The following SLC5A4 variants were observed in gnomAD, a reference collection of about 807,000 sequenced individuals.
The protein encoded by SLC5A4 is probable glucose sensor protein SLC5A4.
Under a neutral mutation model 70.3 loss-of-function variants are expected in SLC5A4, and 55 were observed. The ratio of observed to expected loss-of-function variants is 0.78; its 90% CI spans 0.63 to 0.98. The LOEUF (loss-of-function observed/expected upper bound fraction) is 0.98, where lower values mean the gene tolerates loss of function less well. SLC5A4 is among the 50% of genes least tolerant of loss of function. SLC5A4 has a pLI of 0.00. For missense variants in SLC5A4, 735 were observed against 839.2 expected, an observed-to-expected ratio of 0.88 and a Z score of 1.53; for synonymous variants, 268 against 305.7, an observed-to-expected ratio of 0.88 and a Z score of 1.29.
chr22:32,322,605 GA>G, the SLC5A4 span, among the ~76,000 whole-genome samples: 149 of 145,984 alleles, frequency 1.0e-3, no homozygotes, highest in African/African-American at 1.5e-3. Context: ...AAAATTATTG[GA>G]AAAAAAAAAA....
chr22:32,261,477 A>T, the SLC5A4 span, among the ~76,000 whole-genome samples: 4 of 152,244 alleles, frequency 2.6e-5, no homozygotes, highest in Admixed American at 6.5e-5. Context: ...CAAGACAGAG[A>T]GCTGGAGCTT....
chr22:32,285,797 C>T, the SLC5A4 span, among the ~76,000 whole-genome samples: 1 of 151,518 alleles, frequency 6.6e-6, no homozygotes, highest in Non-Finnish European at 1.5e-5. Context: ...AGTGCAGCGG[C>T]GCGATCTCGG....
At chr22:32,340,912 C>A in the SLC5A4 span, among the ~76,000 whole-genome samples, 4 of 152,096 alleles carry the variant, frequency 2.6e-5, no homozygotes, top group East Asian at 3.8e-4. Context: ...GGGAGACATG[C>A]GGAGGCGGCT....
At chr22:32,270,000 C>T in the SLC5A4 span, 125 of 501,058 alleles carry the variant, frequency 2.5e-4, 1 homozygote, top group African/African-American at 2.0e-3. The surrounding 1 kb of genome is among the most constrained non-coding windows in gnomAD (Gnocchi z 4.1). Flanking sequence ...TCAAGTACAC[C>T]GAGAAGCTTC....
the SLC5A4 span, among the ~76,000 whole-genome samples, chr22:32,282,224 C>T: frequency 6.6e-6 from 1 of 152,110 alleles, no homozygotes; most frequent in Non-Finnish European, 1.5e-5. Flanking sequence ...GAACACCCCC[C>T]TCCAGCACAC....
At chr22:32,237,140 C>T (rs1196475776) in intron 7 of SLC5A4, 104 bp downstream of exon 7, 13 of 767,962 alleles carry the variant, frequency 1.7e-5, no homozygotes, top group Non-Finnish European at 3.0e-5. Flanking sequence ...GAAAGTGTGA[C>T]CAGATGGAAC....
At chr22:32,345,451 A>C in the SLC5A4 span, among the ~76,000 whole-genome samples, 1 of 152,208 alleles carries the variant, frequency 6.6e-6, no homozygotes, top group African/African-American at 2.4e-5. Context: ...TTTCTTAAAA[A>C]TACGTAGTTT....
chr22:32,255,382 T>A, upstream of SLC5A4: 1 of 1,592,844 alleles, frequency 6.3e-7, no homozygotes, highest in Non-Finnish European at 8.6e-7. Context: ...TTATATAAGT[T>A]CTGGGTTAAT....
chr22:32,350,185 C>T, the SLC5A4 span, among the ~76,000 whole-genome samples: 19,764 of 152,168 alleles, frequency 0.13, 1,741 homozygotes, highest in Non-Finnish European at 0.19. Context: ...CTCATGTGGC[C>T]ATCAAGAGTG....
chr22:32,279,768 G>A, the SLC5A4 span, among the ~76,000 whole-genome samples: 5 of 152,196 alleles, frequency 3.3e-5, no homozygotes, highest in African/African-American at 1.2e-4. Context: ...AACCATAGCA[G>A]TGGGCCACTG....
At chr22:32,269,371 GT>G in the SLC5A4 span, 3 of 421,498 alleles carry the variant, frequency 7.1e-6, no homozygotes, top group South Asian at 6.3e-5. This position sits in a 1 kb window ranked among gnomAD's most constrained non-coding sequence, Gnocchi z 4.1. Context: ...GGGCTGGCCT[GT>G]CCTGTAGAAG....
At chr22:32,295,021 T>A in the SLC5A4 span, among the ~76,000 whole-genome samples, 22 of 94,558 alleles carry the variant, frequency 2.3e-4, 3 homozygotes, top group South Asian at 7.8e-3. Flanking sequence ...TGCATAGTAT[T>A]CCATGGTGTA....
At chr22:32,330,322 G>A in the SLC5A4 span, among the ~76,000 whole-genome samples, 2 of 33,482 alleles carry the variant, frequency 6.0e-5, no homozygotes, top group Non-Finnish European at 1.1e-4. Flanking sequence ...TCTGGTGTGT[G>A]TGTTGGGGGG....
At chr22:32,323,149 C>A in the SLC5A4 span, among the ~76,000 whole-genome samples, 4 of 152,136 alleles carry the variant, frequency 2.6e-5, no homozygotes, top group African/African-American at 7.2e-5. Flanking sequence ...GAGATTGGCT[C>A]GAGACAACAG....
intron 13 of SLC5A4, among the ~76,000 whole-genome samples, chr22:32,222,650 G>A (rs1452875892): frequency 3.9e-5 from 6 of 152,040 alleles, no homozygotes; most frequent in Admixed American, 6.5e-5. Context: ...AATATTCAGC[G>A]TAAATATTTA....
the SLC5A4 span, among the ~76,000 whole-genome samples, chr22:32,324,278 T>TATAC: frequency 4.3e-4 from 65 of 151,656 alleles, no homozygotes; most frequent in African/African-American, 8.7e-4. Flanking sequence ...TATATATATA[T>TATAC]ACACACATAT....
At chr22:32,317,340 AAAG>A in the SLC5A4 span, among the ~76,000 whole-genome samples, 1 of 151,954 alleles carries the variant, frequency 6.6e-6, no homozygotes, top group Non-Finnish European at 1.5e-5. Context: ...CCCAACTCAA[AAAG>A]AAAAGAAAGA....
the SLC5A4 span, among the ~76,000 whole-genome samples, chr22:32,285,400 CCAA>C: frequency 1.3e-5 from 2 of 152,142 alleles, no homozygotes; most frequent in Non-Finnish European, 2.9e-5. Context: ...CACACAGCTG[CCAA>C]CAATAGATTT....
the SLC5A4 span, among the ~76,000 whole-genome samples, chr22:32,318,812 A>G: frequency 6.6e-6 from 1 of 151,910 alleles, no homozygotes; most frequent in Non-Finnish European, 1.5e-5. Context: ...TTCCCACCCC[A>G]TCACCTCCCT....
Sources: gnomAD v4.1 joint callset for allele counts (sites outside exome capture counted in the v4.1 genomes callset) on GRCh38, gnomAD v4.1.1 for gene constraint, Gnocchi (gnomAD v3.1) non-coding constraint, MANE v1.5 for transcripts, NCBI Gene and HGNC (gene_info 2026-07-23, HGNC 2026-07-21) for gene names.